Variants in TTLL5 observed in about 807,000 individuals in gnomAD.
The protein encoded by TTLL5 is tubulin tyrosine ligase like 5.
TTLL5 carries 132 observed loss-of-function variants against 168.4 expected under a neutral mutation model. That is an observed-to-expected ratio of 0.78 (90% CI 0.68 to 0.91). TTLL5 has a LOEUF of 0.91. Among genes scored for constraint, TTLL5 ranks in the 40% least tolerant of loss-of-function variants. The pLI is 0.00. For synonymous variants in TTLL5, 546 were observed against 558.6 expected (o/e 0.98, Z 0.32); for missense variants, 1,545 against 1,581.5 (o/e 0.98, Z 0.39).
At chr14:75,835,343 C>G (rs918701525) in intron 28 of TTLL5, 2 of 152,216 alleles carry the variant, frequency 1.3e-5, no homozygotes, top group Admixed American at 6.5e-5. Flanking sequence ...TAGTTATACT[C>G]CTCATTCAGT....
At chr14:75,859,176 T>C (rs1010494588) in intron 28 of TTLL5, among the ~76,000 whole-genome samples, 2 of 152,256 alleles carry the variant, frequency 1.3e-5, no homozygotes, top group Non-Finnish European at 2.9e-5. Flanking sequence ...GATTTTGCTT[T>C]ACATTTTTCA....
intron 27 of TTLL5, among the ~76,000 whole-genome samples, chr14:75,817,046 C>T (rs1459269054): frequency 7.8e-6 from 1 of 128,200 alleles, no homozygotes; most frequent in African/African-American, 3.0e-5. Flanking sequence ...AGTGCGCTAT[C>T]TGAGCTCACT....
At chr14:75,902,375 C>A in intron 31 of TTLL5, 151 bp downstream of exon 31, 1 of 820,804 alleles carries the variant, frequency 1.2e-6, no homozygotes, top group South Asian at 1.6e-5. Flanking sequence ...ATTTTTGTTG[C>A]ATTCTTCTTT....
intron 10 of TTLL5, 41 bp from the exon 11 acceptor site, chr14:75,719,694 C>A: frequency 6.5e-7 from 1 of 1,534,806 alleles, no homozygotes; most frequent in Non-Finnish European, 8.8e-7. Flanking sequence ...TATAGCCAAG[C>A]CTAGTTACAT....
At chr14:75,835,847 A>G (rs1446276878) in intron 28 of TTLL5, among the ~76,000 whole-genome samples, 2 of 152,204 alleles carry the variant, frequency 1.3e-5, no homozygotes, top group Non-Finnish European at 2.9e-5. Flanking sequence ...TCAGTGAGAT[A>G]CCATCTCACC....
At chr14:75,859,375 A>G (rs1282015928) in intron 28 of TTLL5, among the ~76,000 whole-genome samples, 1 of 152,242 alleles carries the variant, frequency 6.6e-6, no homozygotes, top group Admixed American at 6.5e-5. Context: ...AAAGTTCTAA[A>G]TGGATAGGCT....
intron 26 of TTLL5, among the ~76,000 whole-genome samples, chr14:75,788,717 G>A (rs1457398243): frequency 6.6e-6 from 1 of 152,120 alleles, no homozygotes; most frequent in Non-Finnish European, 1.5e-5. Flanking sequence ...CTCTTCTGGA[G>A]TGTGGAAAAA....
chr14:75,862,004 ACTTC>A (rs1415384941), intron 28 of TTLL5, among the ~76,000 whole-genome samples: 1 of 152,216 alleles, frequency 6.6e-6, no homozygotes, highest in Non-Finnish European at 1.5e-5. Flanking sequence ...CTGAAAAATG[ACTTC>A]CTATTCCCTA....
rs1376450304 is a variant in TTLL5, at chr14:75,828,123, A to T, written c.3326+7962A>T. ...ATAATTTAAAAGGATTTAGATGAGA[A>T]AAGCAGGCTTTCTGGCATAGTAGGT... On this transcript the variant is annotated intron_variant, in intron 28 of 31. Coordinates refer to ENST00000298832, the MANE Select transcript of TTLL5 (RefSeq NM_015072.5). 3.3e-5 allele frequency among the ~76,000 whole-genome samples: 5 copies of T among 152,126 alleles called. No individual in the cohort carries two copies. In the South Asian group the frequency reaches 6.2e-4, roughly 19 times the overall value.
intron 27 of TTLL5, among the ~76,000 whole-genome samples, chr14:75,812,163 C>T (rs1894083996): frequency 6.6e-6 from 1 of 152,080 alleles, no homozygotes; most frequent in African/African-American, 2.4e-5. Context: ...GGACATGAGG[C>T]AGAGAATGGG....
At chr14:75,733,257 T>C (rs185171785) in intron 13 of TTLL5, among the ~76,000 whole-genome samples, 310 of 152,300 alleles carry the variant, frequency 2.0e-3, no homozygotes, top group African/African-American at 6.7e-3. Flanking sequence ...TATATTATAC[T>C]ATACTTTAAA....
Position 75,751,447 on chromosome 14 carries a change from C to T in TTLL5, c.1488-1446C>T, listed in dbSNP as rs142806754. On this transcript the variant is annotated intron_variant, in intron 17 of 31. Transcript: ENST00000298832. ...AGAATAAGGATTCTTTGAACACAAA[C>T]ACTGCTAAGTGATTCATGGGCCTGG... Among the ~76,000 whole-genome samples the T allele has an allele frequency of 3.2e-3, 483 of 152,296 alleles. 1 individual carries two copies. The highest frequency in any genetic ancestry group is 0.011 in the African/African-American group (474 of 41,572).
chr14:75,663,276 A>G (rs1594830529), intron 2 of TTLL5, 53 bp downstream of exon 2: 7 of 1,459,982 alleles, frequency 4.8e-6, no homozygotes, highest in African/African-American at 1.4e-5. Context: ...TTTCACTTAT[A>G]TACTCTTATA....
chr14:75,811,966 C>G (rs1290028290), intron 27 of TTLL5, among the ~76,000 whole-genome samples: 2 of 152,192 alleles, frequency 1.3e-5, no homozygotes, highest in Non-Finnish European at 2.9e-5. Flanking sequence ...TCTCCTACCC[C>G]CTTTTCAATC....
intron 31 of TTLL5, among the ~76,000 whole-genome samples, chr14:75,914,033 A>AAAAAAATAT: frequency 1.5e-4 from 11 of 71,102 alleles, no homozygotes; most frequent in East Asian, 4.4e-4. Flanking sequence ...AAAAAAAAAA[A>AAAAAAATAT]ATATATATAT....
chr14:75,669,530 TA>T lies in TTLL5; in HGVS notation c.181+10del. The T allele has an allele frequency of 6.2e-7, 1 of 1,612,148 alleles. No homozygotes were observed. Among genetic ancestry groups the T allele is most frequent in the Non-Finnish European group, 8.5e-7 (1 of 1,178,282 alleles). On this transcript the variant is annotated intron_variant, in intron 3 of 31. Transcript: ENST00000298832. The stretch of plus-strand genomic sequence containing the variant: ...ATATTAGAGTAATTGGAGGTGCGTA[TA>T]ACCTCTCCCACAGAGGACGGAGCTG...
chr14:75,796,124 C>T (rs529759339), intron 27 of TTLL5, among the ~76,000 whole-genome samples: 3 of 152,260 alleles, frequency 2.0e-5, no homozygotes, highest in African/African-American at 7.2e-5. Flanking sequence ...TATAGCCATT[C>T]TTGCAGGAGT....
At chr14:75,929,900 G>A (rs2034217823) in intron 31 of TTLL5, among the ~76,000 whole-genome samples, 1 of 152,086 alleles carries the variant, frequency 6.6e-6, no homozygotes, top group South Asian at 2.1e-4. Context: ...ACACGTCATG[G>A]TTACCAAACT....
At chr14:75,702,901 G>A (rs1447218109) in intron 7 of TTLL5, among the ~76,000 whole-genome samples, 4 of 152,058 alleles carry the variant, frequency 2.6e-5, no homozygotes, top group East Asian at 1.9e-4. Flanking sequence ...GGCAACATGC[G>A]GACATAATGG....
Sources: allele counts gnomAD v4.1 joint callset (sites outside exome capture counted in the v4.1 genomes callset), GRCh38; gene constraint gnomAD v4.1.1; transcripts MANE v1.5; gene names NCBI Gene and HGNC (gene_info 2026-07-23, HGNC 2026-07-21).